The following PIK3CB variants were observed in gnomAD, a reference collection of about 807,000 sequenced individuals.
PIK3CB encodes the protein phosphatidylinositol-4,5-bisphosphate 3-kinase catalytic subunit beta.
A neutral mutation model predicts 136.8 loss-of-function variants in PIK3CB; 39 were observed. The ratio of observed to expected loss-of-function variants is 0.29; its 90% CI spans 0.22 to 0.37. PIK3CB has a LOEUF of 0.37. PIK3CB is among the 10% of genes least tolerant of loss of function. PIK3CB has a pLI of 1.00. For synonymous variants in PIK3CB, 428 were observed against 436.6 expected (o/e 0.98, Z 0.25); for missense variants, 868 against 1,275.4 (o/e 0.68, Z 4.87).
chr3:138,810,493 C>T (rs1048556630), intron 1 of PIK3CB, among the ~76,000 whole-genome samples: 1 of 151,962 alleles, frequency 6.6e-6, no homozygotes, highest in African/African-American at 2.4e-5. Flanking sequence ...ACTTTACTTC[C>T]GTGGTCTTCC....
intron 2 of PIK3CB, among the ~76,000 whole-genome samples, chr3:138,785,426 C>G (rs957659308): frequency 2.6e-5 from 4 of 152,110 alleles, no homozygotes; most frequent in Non-Finnish European, 5.9e-5. Flanking sequence ...TACTGTGTCT[C>G]TGTAGAAAGA....
intron 16 of PIK3CB, among the ~76,000 whole-genome samples, chr3:138,688,235 C>G (rs1394441533): frequency 6.6e-6 from 1 of 151,848 alleles, no homozygotes; most frequent in African/African-American, 2.4e-5. Context: ...GGTACGGTGG[C>G]TCACACATGT....
At chr3:138,679,937 A>G (rs1407167281) in intron 19 of PIK3CB, among the ~76,000 whole-genome samples, 6 of 27,670 alleles carry the variant, frequency 2.2e-4, no homozygotes, top group Non-Finnish European at 4.2e-4. Context: ...ACACAAAAGT[A>G]AAAAAAAAAA....
intron 19 of PIK3CB, among the ~76,000 whole-genome samples, chr3:138,667,524 T>C (rs1347604266): frequency 6.6e-6 from 1 of 151,818 alleles, no homozygotes; most frequent in Non-Finnish European, 1.5e-5. Flanking sequence ...TTCAAAAAAA[T>C]TGAATTATTT....
At chr3:138,784,326 G>A (rs2045950859) in intron 2 of PIK3CB, among the ~76,000 whole-genome samples, 1 of 152,284 alleles carries the variant, frequency 6.6e-6, no homozygotes, top group Non-Finnish European at 1.5e-5. Flanking sequence ...AGGTTGCAAT[G>A]AGCTAAGATC....
intron 19 of PIK3CB, among the ~76,000 whole-genome samples, chr3:138,671,406 C>T (rs546916731): frequency 9.9e-5 from 15 of 152,058 alleles, no homozygotes; most frequent in African/African-American, 3.4e-4. Context: ...CACGTCTAAC[C>T]GTTTCCAGCA....
At chr3:138,674,627 A>C (rs900907349) in intron 19 of PIK3CB, among the ~76,000 whole-genome samples, 2 of 152,208 alleles carry the variant, frequency 1.3e-5, no homozygotes, top group African/African-American at 4.8e-5. Flanking sequence ...AAGAAACAAA[A>C]AAGCATGGCA....
At position 138,805,144 on chromosome 3, in the gene PIK3CB, G is replaced by A. The variant is rs537537594; in HGVS notation, c.-121-8577C>T. Among the ~76,000 whole-genome samples the A allele has an allele frequency of 3.2e-4, 49 of 151,866 alleles. No homozygotes were observed. In the Middle Eastern group the frequency reaches 0.01, roughly 32 times the overall value. On this transcript the variant is annotated intron_variant, in intron 1 of 23. Coordinates refer to ENST00000674063, the MANE Select transcript of PIK3CB (RefSeq NM_006219.3). ...GAGGTCAGGAGTTCGAGACCAGCCT[G>A]GCCAACGTGACAAAACCGTCTCTGC... is the stretch of plus-strand genomic sequence containing the variant.
chr3:138,671,371 A>C (rs1426099320), intron 19 of PIK3CB, among the ~76,000 whole-genome samples: 1 of 152,230 alleles, frequency 6.6e-6, no homozygotes, highest in Non-Finnish European at 1.5e-5. Context: ...GAGATATTAT[A>C]ATCTTGCAGG....
chr3:138,754,539 TTA>T (rs2045530105), intron 4 of PIK3CB, among the ~76,000 whole-genome samples: 1 of 152,236 alleles, frequency 6.6e-6, no homozygotes, highest in African/African-American at 2.4e-5. Context: ...TGCTTTCTAA[TTA>T]TATGTCACTA....
At chr3:138,772,065 A>G (rs1383441409) in intron 2 of PIK3CB, among the ~76,000 whole-genome samples, 3 of 152,220 alleles carry the variant, frequency 2.0e-5, no homozygotes, top group Non-Finnish European at 4.4e-5. Context: ...GAAAAATTTA[A>G]AAAAATAACA....
intron 2 of PIK3CB, among the ~76,000 whole-genome samples, chr3:138,779,012 G>A (rs2045892003): frequency 9.4e-6 from 1 of 106,760 alleles, no homozygotes; most frequent in African/African-American, 4.2e-5. Flanking sequence ...TCTGTATTCA[G>A]CACCCCTCTA....
intron 6 of PIK3CB, 43 bp from the exon 7 acceptor site, chr3:138,734,847 C>T: frequency 1.5e-6 from 2 of 1,354,292 alleles, no homozygotes; most frequent in East Asian, 4.8e-5. Flanking sequence ...TTCATGCCAA[C>T]ACCTAAATCA....
chr3:138,683,730 A>G lies in PIK3CB; in HGVS notation c.2373T>C (p.Asn791=). ...CTGAATCCTCACCAAATACCTTGTT[A>G]TTGTATACCAGCCACAAAGGCTTCA... ...SKMKPLWLVY[N]NKVFGEDSVG... Residue 791 remains asparagine (N), a synonymous_variant, in exon 18 of 24, where the codon AAT becomes AAC. Transcript: ENST00000674063. 1 of 1,608,462 alleles carries G rather than the reference A, an allele frequency of 6.2e-7. No individual in the cohort carries two copies. Among genetic ancestry groups the G allele is most frequent in the Non-Finnish European group, 8.5e-7 (1 of 1,175,136 alleles).
intron 11 of PIK3CB, among the ~76,000 whole-genome samples, chr3:138,705,174 C>CA (rs1159172292): frequency 1.8e-5 from 1 of 57,058 alleles, no homozygotes; most frequent in Non-Finnish European, 3.0e-5. Context: ...AAAAAAAAAA[C>CA]AAAAAACAAA....
chr3:138,715,840 A>G (rs1197483418), intron 8 of PIK3CB, among the ~76,000 whole-genome samples: 1 of 151,914 alleles, frequency 6.6e-6, no homozygotes, highest in African/African-American at 2.4e-5. Context: ...ATATCATAAT[A>G]TAGTAAAAAA....
intron 1 of PIK3CB, among the ~76,000 whole-genome samples, chr3:138,805,226 A>C (rs1357816588): frequency 2.2e-5 from 3 of 136,140 alleles, no homozygotes; most frequent in Non-Finnish European, 3.2e-5. Context: ...TCAGCTACTC[A>C]GGAGGCTGAG....
At chr3:138,817,113 CG>C (rs1933371335) in intron 1 of PIK3CB, among the ~76,000 whole-genome samples, 3 of 150,550 alleles carry the variant, frequency 2.0e-5, no homozygotes, top group African/African-American at 7.3e-5. Context: ...CCGAGGCGGG[CG>C]GATCACGAGG....
chr3:138,806,833 C>T (rs1035827505), intron 1 of PIK3CB, among the ~76,000 whole-genome samples: 1 of 152,118 alleles, frequency 6.6e-6, no homozygotes, highest in Non-Finnish European at 1.5e-5. Flanking sequence ...AGAATACCAC[C>T]CTTAAAATAC....
Sources: allele counts gnomAD v4.1 joint callset (sites outside exome capture counted in the v4.1 genomes callset), GRCh38; gene constraint gnomAD v4.1.1; transcripts MANE v1.5; gene names NCBI Gene and HGNC (gene_info 2026-07-23, HGNC 2026-07-21).